FBN1: variants seen among roughly 807,000 people sequenced by gnomAD.
FBN1 encodes fibrillin-1.
FBN1 carries 29 observed loss-of-function variants against 365.1 expected under a neutral mutation model. The ratio of observed to expected loss-of-function variants is 0.08; its 90% CI spans 0.06 to 0.11. FBN1 has a LOEUF of 0.11. Among genes scored for constraint, FBN1 ranks in the 10% least tolerant of loss-of-function variants. The pLI is 1.00. For synonymous variants in FBN1, 1,210 were observed against 1,270.5 expected, an observed-to-expected ratio of 0.95 and a Z score of 1.01; for missense variants, 2,476 against 3,703.2, an observed-to-expected ratio of 0.67 and a Z score of 8.60.
At chr15:48,430,889 A>G (rs898558615) in intron 55 of FBN1, 87 bp from the exon 56 acceptor site, 68 of 1,309,904 alleles carry the variant, frequency 5.2e-5, no homozygotes, top group Non-Finnish European at 1.6e-5. Flanking sequence ...AAATGTTAGT[A>G]AGTAACCAAT....
At chr15:48,554,110 C>T (rs1354335262) in intron 6 of FBN1, among the ~76,000 whole-genome samples, 2 of 152,210 alleles carry the variant, frequency 1.3e-5, no homozygotes, top group African/African-American at 2.4e-5. Context: ...GTGCTTTCCC[C>T]ACTACTTTGC....
chr15:48,429,747 T>C (rs1032817987), intron 56 of FBN1, among the ~76,000 whole-genome samples: 1 of 152,248 alleles, frequency 6.6e-6, no homozygotes, highest in African/African-American at 2.4e-5. Context: ...TCTGTGCTTT[T>C]AGAATCTGTT....
intron 8 of FBN1, among the ~76,000 whole-genome samples, chr15:48,533,791 G>A (rs2043991501): frequency 6.6e-6 from 1 of 152,036 alleles, no homozygotes; most frequent in Non-Finnish European, 1.5e-5. Context: ...CATGTGTGTT[G>A]AACATTTTAA....
intron 64 of FBN1, among the ~76,000 whole-genome samples, chr15:48,414,931 T>C (rs1291109760): frequency 6.6e-5 from 10 of 150,956 alleles, no homozygotes; most frequent in Admixed American, 2.6e-4. Context: ...GCCCCAACTC[T>C]CACACAGACA....
chr15:48,596,605 T>A (rs911340574), intron 5 of FBN1, among the ~76,000 whole-genome samples: 2 of 152,222 alleles, frequency 1.3e-5, no homozygotes, highest in Non-Finnish European at 2.9e-5. Flanking sequence ...GATGGTCTCA[T>A]TCCGTGAAGC....
At chr15:48,618,271 C>T (rs1422846066) in intron 2 of FBN1, among the ~76,000 whole-genome samples, 3 of 152,062 alleles carry the variant, frequency 2.0e-5, no homozygotes, top group Non-Finnish European at 2.9e-5. Context: ...GAAACAATTA[C>T]AATACATAAA....
At chr15:48,452,004 C>T (rs1463149813) in intron 45 of FBN1, among the ~76,000 whole-genome samples, 2 of 152,178 alleles carry the variant, frequency 1.3e-5, no homozygotes, top group Non-Finnish European at 2.9e-5. Flanking sequence ...CTAATAAAGG[C>T]TGTTGATGTT....
At chr15:48,607,301 C>T (rs1363276727) in intron 4 of FBN1, among the ~76,000 whole-genome samples, 2 of 149,498 alleles carry the variant, frequency 1.3e-5, no homozygotes, top group African/African-American at 4.9e-5. Context: ...TAGGAAACAA[C>T]TTTTATCATG....
chr15:48,600,791 T>C (rs2044558978), intron 4 of FBN1, among the ~76,000 whole-genome samples: 1 of 152,166 alleles, frequency 6.6e-6, no homozygotes, highest in Non-Finnish European at 1.5e-5. Context: ...TTAACAGAAA[T>C]TACAACTCAA....
intron 6 of FBN1, among the ~76,000 whole-genome samples, chr15:48,544,877 G>A (rs1415849123): frequency 1.3e-5 from 2 of 152,006 alleles, no homozygotes; most frequent in Non-Finnish European, 2.9e-5. Flanking sequence ...TGGGAGAATC[G>A]GTAAAGTCAA....
At chr15:48,414,668 G>A (rs1187435844) in intron 64 of FBN1, among the ~76,000 whole-genome samples, 2 of 151,966 alleles carry the variant, frequency 1.3e-5, no homozygotes, top group East Asian at 1.9e-4. Context: ...AGGTCAAGAC[G>A]GGCAGATCAC....
chr15:48,533,711 G>A (rs374656296), intron 8 of FBN1, among the ~76,000 whole-genome samples: 3 of 151,906 alleles, frequency 2.0e-5, no homozygotes, highest in East Asian at 3.9e-4. Context: ...GAAAAACTTC[G>A]GAAGATATAT....
Position 48,513,610 on chromosome 15 carries a change from A to T in FBN1, c.1527T>A (p.Gly509=). ...CAGCTCGGCACTGACAGGTGTACGA[A>T]CCCTGGTTGTTAATACACTCACCAC... is the stretch of plus-strand genomic sequence containing the variant. ...CAGGECINNQ[G]SYTCQCRAGY... The change falls in exon 13 of 66, where the codon GGT becomes GGA. Residue 509 remains glycine (G), a synonymous_variant. Coordinates refer to ENST00000316623, the MANE Select transcript of FBN1 (RefSeq NM_000138.5). 6.2e-7 allele frequency: 1 copy of T among 1,614,016 alleles called. No individual in the cohort carries two copies. Among genetic ancestry groups the T allele is most frequent in the South Asian group, 1.1e-5 (1 of 91,090 alleles).
chr15:48,428,208 C>G (rs1161229728), intron 57 of FBN1, 138 bp downstream of exon 57: 2 of 1,091,018 alleles, frequency 1.8e-6, no homozygotes, highest in African/African-American at 1.5e-5. Flanking sequence ...ACAGTCATTA[C>G]GGCATCTCCA....
At chr15:48,423,117 A>C (rs1426174664) in intron 60 of FBN1, among the ~76,000 whole-genome samples, 1 of 152,218 alleles carries the variant, frequency 6.6e-6, no homozygotes, top group East Asian at 1.9e-4. Context: ...ATTTCAAAAT[A>C]CCAAGAGATG....
chr15:48,537,819 A>G lies in FBN1; in HGVS notation c.539-11T>C. The G allele has an allele frequency of 6.2e-7, 1 of 1,613,870 alleles. No individual in the cohort carries two copies. Among genetic ancestry groups the G allele is most frequent in the Non-Finnish European group, 8.5e-7 (1 of 1,179,730 alleles). ...GGCCTGTCCTGTAATCTGAAAATAAAGAATAAAAATCTGATGAAAATCCAG... is the reference window on the plus strand; with the variant it reads ...GGCCTGTCCTGTAATCTGAAAATAAGGAATAAAAATCTGATGAAAATCCAG... On this transcript the variant is annotated splice_polypyrimidine_tract_variant and intron_variant, in intron 6 of 65. Transcript: ENST00000316623.
At chr15:48,558,226 A>G (rs543436755) in intron 6 of FBN1, among the ~76,000 whole-genome samples, 40 of 152,318 alleles carry the variant, frequency 2.6e-4, no homozygotes, top group African/African-American at 9.6e-4. Context: ...CTATCCCAGA[A>G]TATCTTCTTC....
chr15:48,461,631 C>T (rs2043280887), intron 42 of FBN1, among the ~76,000 whole-genome samples: 1 of 151,990 alleles, frequency 6.6e-6, no homozygotes, highest in South Asian at 2.1e-4. Flanking sequence ...AGATTTTTTA[C>T]CAACAGGTAA....
chr15:48,592,341 A>T (rs1310592230), intron 6 of FBN1, among the ~76,000 whole-genome samples: 1 of 152,070 alleles, frequency 6.6e-6, no homozygotes, highest in African/African-American at 2.4e-5. Flanking sequence ...TCATCCACTC[A>T]TATGATTCAC....
Sources: gnomAD v4.1 joint callset for allele counts (sites outside exome capture counted in the v4.1 genomes callset) on GRCh38, gnomAD v4.1.1 for gene constraint, MANE v1.5 for transcripts, NCBI Gene and HGNC (gene_info 2026-07-23, HGNC 2026-07-21) for gene names.